The following GLI3 variants were observed in gnomAD, a reference collection of about 807,000 sequenced individuals.
GLI3 encodes GLI family zinc finger 3.
GLI3 carries 20 observed loss-of-function variants against 100.8 expected under a neutral mutation model. That is an observed-to-expected ratio of 0.20 (90% CI 0.14 to 0.29). The LOEUF (loss-of-function observed/expected upper bound fraction) is 0.29, where lower values mean the gene tolerates loss of function less well. GLI3 is among the 10% of genes least tolerant of loss of function. The pLI is 1.00. For missense variants in GLI3, 2,040 were observed against 2,128.5 expected (o/e 0.96, Z 0.82); for synonymous variants, 938 against 860.5 (o/e 1.09, Z -1.58).
chr7:41,992,360 C>T (rs1437335262), intron 10 of GLI3, among the ~76,000 whole-genome samples: 5 of 152,212 alleles, frequency 3.3e-5, no homozygotes, highest in Middle Eastern at 3.4e-3. Context: ...GATTTGGTGA[C>T]GATTACCCTT....
At chr7:42,138,951 C>G (rs758553669) in intron 3 of GLI3, among the ~76,000 whole-genome samples, 1 of 152,210 alleles carries the variant, frequency 6.6e-6, no homozygotes, top group Admixed American at 6.5e-5. Flanking sequence ...ATCCTCTCCC[C>G]TGAGACTCTT....
At chr7:42,184,593 TAATG>T (rs1210680571) in intron 2 of GLI3, among the ~76,000 whole-genome samples, 2 of 152,172 alleles carry the variant, frequency 1.3e-5, no homozygotes, top group African/African-American at 4.8e-5. Context: ...TGAATTGTTT[TAATG>T]AATGAATGAA....
intron 10 of GLI3, among the ~76,000 whole-genome samples, chr7:41,990,865 AGTGTGTGTGTGT>A (rs57245025): frequency 3.2e-4 from 45 of 142,750 alleles, no homozygotes; most frequent in Admixed American, 1.6e-3. Flanking sequence ...GATTAAGGCA[AGTGTGTGTGTGT>A]GTGTGTGTGT....
At chr7:42,050,330 C>T (rs1784329649) in intron 4 of GLI3, among the ~76,000 whole-genome samples, 1 of 152,216 alleles carries the variant, frequency 6.6e-6, no homozygotes, top group African/African-American at 2.4e-5. Context: ...GAGGCTTTCA[C>T]ACCCAATCAG....
intron 1 of GLI3, among the ~76,000 whole-genome samples, chr7:42,255,218 G>A (rs1348398443): frequency 6.6e-6 from 1 of 151,832 alleles, no homozygotes; most frequent in East Asian, 1.9e-4. Flanking sequence ...AAAAATAAAT[G>A]TATTTTCCTT....
At chr7:42,086,561 A>C (rs1785105443) in intron 3 of GLI3, among the ~76,000 whole-genome samples, 1 of 151,874 alleles carries the variant, frequency 6.6e-6, no homozygotes, top group African/African-American at 2.4e-5. Flanking sequence ...TGTCCAGGAC[A>C]CCTCCCCATC....
chr7:42,017,060 A>T (rs948045850), intron 10 of GLI3, among the ~76,000 whole-genome samples: 1 of 152,176 alleles, frequency 6.6e-6, no homozygotes, highest in Non-Finnish European at 1.5e-5. Flanking sequence ...TGCACATCTC[A>T]TCAAGAGCTG....
chr7:42,099,295 T>C (rs980595125), intron 3 of GLI3, among the ~76,000 whole-genome samples: 2 of 152,202 alleles, frequency 1.3e-5, no homozygotes, highest in African/African-American at 2.4e-5. Flanking sequence ...TCACTTTGAG[T>C]GATTACTTCC....
intron 1 of GLI3, among the ~76,000 whole-genome samples, chr7:42,227,030 A>G (rs1426640590): frequency 1.3e-5 from 2 of 152,212 alleles, no homozygotes; most frequent in African/African-American, 2.4e-5. Context: ...CTGGAGTTTA[A>G]AAAATAATGA....
intron 1 of GLI3, among the ~76,000 whole-genome samples, chr7:42,236,273 CG>C (rs1273925869): frequency 6.6e-6 from 1 of 152,188 alleles, no homozygotes; most frequent in Admixed American, 6.5e-5. Flanking sequence ...TGTGTAAACG[CG>C]GCACCTTAAA....
chr7:42,010,216 C>T lies in GLI3; in HGVS notation c.1497+13252G>A, dbSNP rs74498538. 3.4e-3 allele frequency among the ~76,000 whole-genome samples: 511 copies of T among 152,314 alleles called. 5 individuals carry two copies. The highest frequency in any genetic ancestry group is 0.011 in the African/African-American group (478 of 41,568). ...CTGGGCACCTGCTCCTGTGCCTGCA[C>T]GAGGCTCCAGAGGCTGCCCTGAGAG... On this transcript the variant is annotated intron_variant, in intron 10 of 14. Transcript: ENST00000395925.
intron 10 of GLI3, among the ~76,000 whole-genome samples, chr7:42,002,188 G>A (rs569782514): frequency 1.3e-5 from 2 of 152,170 alleles, no homozygotes; most frequent in African/African-American, 4.8e-5. Flanking sequence ...GTTTCTCAGA[G>A]GGTGATGAAC....
intron 3 of GLI3, among the ~76,000 whole-genome samples, chr7:42,111,163 C>A (rs559559743): frequency 6.6e-6 from 1 of 152,142 alleles, no homozygotes; most frequent in East Asian, 1.9e-4. Flanking sequence ...GTCTATCAAC[C>A]CTTATCCACA....
intron 2 of GLI3, among the ~76,000 whole-genome samples, chr7:42,205,411 A>G (rs1310773748): frequency 2.0e-5 from 3 of 152,152 alleles, no homozygotes; most frequent in Non-Finnish European, 4.4e-5. Context: ...GCAACAACAA[A>G]CAAATAACAA....
chr7:41,998,622 C>G (rs1045839373), intron 10 of GLI3, among the ~76,000 whole-genome samples: 9 of 152,126 alleles, frequency 5.9e-5, no homozygotes, highest in African/African-American at 2.2e-4. Context: ...TAAATTAGAA[C>G]ATTTCAATAG....
At chr7:42,232,768 G>A (rs575554545) in intron 1 of GLI3, among the ~76,000 whole-genome samples, 1 of 152,226 alleles carries the variant, frequency 6.6e-6, no homozygotes, top group South Asian at 2.1e-4. Flanking sequence ...TTTCAGGAGG[G>A]GGCTGAAATG....
intron 5 of GLI3, 75 bp from the exon 6 acceptor site, chr7:42,045,605 G>A: frequency 7.3e-7 from 1 of 1,363,668 alleles, no homozygotes; most frequent in African/African-American, 1.4e-5. Context: ...GCATCTCAGA[G>A]TCCATTACAC....
intron 2 of GLI3, among the ~76,000 whole-genome samples, chr7:42,218,144 G>T (rs1003954286): frequency 4.6e-5 from 7 of 152,168 alleles, no homozygotes; most frequent in African/African-American, 1.7e-4. Context: ...TCCTTTCCAC[G>T]TATCTGTCAT....
chr7:42,240,969 C>A (rs535527568), upstream of GLI3, among the ~76,000 whole-genome samples: 1 of 152,304 alleles, frequency 6.6e-6, no homozygotes, highest in East Asian at 1.9e-4. Context: ...CACAGTAGCA[C>A]CCAGTTAATT....
Sources: gnomAD v4.1 joint callset for allele counts (sites outside exome capture counted in the v4.1 genomes callset) on GRCh38, gnomAD v4.1.1 for gene constraint, MANE v1.5 for transcripts, NCBI Gene and HGNC (gene_info 2026-07-23, HGNC 2026-07-21) for gene names.